Variants in BCL2L2 observed in about 807,000 individuals in gnomAD.
BCL2L2 encodes BCL2 like 2.
A neutral mutation model predicts 14.6 loss-of-function variants in BCL2L2; 6 were observed. That is an observed-to-expected ratio of 0.41 (90% CI 0.22 to 0.81). The LOEUF is 0.81. Among genes scored for constraint, BCL2L2 ranks in the 30% least tolerant of loss-of-function variants. The probability of loss-of-function intolerance (pLI) is 0.32; values close to 1 mark genes in which losing one functional copy is unlikely to be tolerated. For synonymous variants in BCL2L2, 90 were observed against 108.5 expected (o/e 0.83, Z 1.06); for missense variants, 191 against 260.5 (o/e 0.73, Z 1.84).
At chr14:23,307,678 A>G in intron 2 of BCL2L2, 82 bp from the exon 3 acceptor site, 1 of 1,491,562 alleles carries the variant, frequency 6.7e-7, no homozygotes, top group Admixed American at 2.3e-5. Flanking sequence ...TCCTCATCTC[A>G]CTGGGTTGGT....
Position 23,309,053 on chromosome 14 carries a change from G to T in BCL2L2, c.*88G>T, listed in dbSNP as rs879080604. ...AAATGCCCTTGGAAGAAGTGGAGTT[G>T]GTGGATGGGTGGGCATGGAACAGGA... On this transcript the variant is annotated 3_prime_UTR_variant, in exon 4 of 4. Transcript: ENST00000250405. 7.7e-7 allele frequency: 1 copy of T among 1,292,730 alleles called. No individual in the cohort carries two copies. Among genetic ancestry groups the T allele is most frequent in the Non-Finnish European group, 9.9e-7 (1 of 1,012,688 alleles). 80.1% of individuals were successfully genotyped at this position (1,292,730 alleles called of 1,614,324 possible). A position where few individuals can be genotyped will look rare whatever the true frequency, so the allele number is the denominator to read the frequency against.
At chr14:23,307,523 A>G (rs547139888) in intron 2 of BCL2L2, among the ~76,000 whole-genome samples, 9 of 152,340 alleles carry the variant, frequency 5.9e-5, no homozygotes, top group Admixed American at 4.6e-4. Flanking sequence ...AAAGTATCCT[A>G]AACAGAAAAT....
Position 23,309,443 on chromosome 14 carries a change from A to G in BCL2L2, c.*478A>G. The G allele has an allele frequency of 1.0e-6, 1 of 988,158 alleles. No homozygotes were observed. The highest frequency in any genetic ancestry group is 1.2e-6 in the Non-Finnish European group (1 of 831,746). 61.2% of individuals were successfully genotyped at this position (988,158 alleles called of 1,614,324 possible). A position where few individuals can be genotyped will look rare whatever the true frequency, so the allele number is the denominator to read the frequency against. On this transcript the variant is annotated 3_prime_UTR_variant, in exon 4 of 4. Coordinates refer to ENST00000250405, the MANE Select transcript of BCL2L2 (RefSeq NM_004050.5). Reference sequence around the variant, plus strand: ...TGCTTGGACACGCGTGTGCATGTGCACGCATGCTGGTGTGCATGCTGGGCT... The same window carrying G: ...TGCTTGGACACGCGTGTGCATGTGCGCGCATGCTGGTGTGCATGCTGGGCT...
rs1887490603 is a variant in BCL2L2, at chr14:23,309,703, T to C, written c.*738T>C. The C allele has an allele frequency of 1.0e-6, 1 of 985,516 alleles. No homozygotes were observed. The highest frequency in any genetic ancestry group is 1.7e-5 in the African/African-American group (1 of 57,252). 61.0% of individuals were successfully genotyped at this position (985,516 alleles called of 1,614,324 possible). On this transcript the variant is annotated 3_prime_UTR_variant, in exon 4 of 4. Transcript: ENST00000250405. ...AGAAGAGCAGTTCTGCAGCTGGCCTTGTTCCTTCATCATCCCCCTTCCTTG... is the reference window on the plus strand; with the variant it reads ...AGAAGAGCAGTTCTGCAGCTGGCCTCGTTCCTTCATCATCCCCCTTCCTTG...
At chr14:23,307,633 C>T (rs185364015) in intron 2 of BCL2L2, 127 bp from the exon 3 acceptor site, 143 of 1,292,784 alleles carry the variant, frequency 1.1e-4, no homozygotes, top group Non-Finnish European at 1.4e-4. Context: ...TCTTGCCTCT[C>T]CCTGTCCAGT....
In BCL2L2 at chr14:23,310,695, C is replaced by T; in HGVS notation, c.*1730C>T. The T allele has an allele frequency of 8.6e-7, 1 of 1,166,712 alleles. No homozygotes were observed. Among genetic ancestry groups the T allele is most frequent in the Non-Finnish European group, 1.1e-6 (1 of 933,116 alleles). 72.3% of individuals were successfully genotyped at this position (1,166,712 alleles called of 1,614,324 possible). On this transcript the variant is annotated 3_prime_UTR_variant, in exon 4 of 4. Transcript: ENST00000250405. Reference sequence around the variant, plus strand: ...GTTGGGGTGGGGGGTCTCTGACTTGCTCAGGACAAACTAGGCCAGTGGTTT... The same window carrying T: ...GTTGGGGTGGGGGGTCTCTGACTTGTTCAGGACAAACTAGGCCAGTGGTTT...
chr14:23,310,768 A>G lies in BCL2L2; in HGVS notation c.*1803A>G. The G allele has an allele frequency of 1.7e-6, 2 of 1,194,322 alleles. No individual in the cohort carries two copies. The highest frequency in any genetic ancestry group is 2.1e-6 in the Non-Finnish European group (2 of 944,276). 74.0% of individuals were successfully genotyped at this position (1,194,322 alleles called of 1,614,324 possible). ...GAAGTTTCCTAGGGGTTGCCTCAGG[A>G]GTCCTTGGGGAGATGAAGGGGGTGG... On this transcript the variant is annotated 3_prime_UTR_variant, in exon 4 of 4. Transcript: ENST00000250405.
In BCL2L2 at chr14:23,308,311, G is replaced by A. The variant is rs1594978664; in HGVS notation, c.432+112G>A. The stretch of plus-strand genomic sequence containing the variant: ...GGCAGCTATGTTGGGAATGAGGTAC[G>A]GGGCTGAGTCTCCCCGTCTGGATGG... On this transcript the variant is annotated intron_variant, in intron 3 of 3. Coordinates refer to ENST00000250405, the MANE Select transcript of BCL2L2 (RefSeq NM_004050.5). The surrounding 1 kb of genome is among the most constrained non-coding windows in gnomAD (Gnocchi z 5.4). The A allele has an allele frequency of 5.0e-6, 7 of 1,394,024 alleles. No individual in the cohort carries two copies. The highest frequency in any genetic ancestry group is 3.0e-5 in the South Asian group (2 of 66,924). The allele number at this position is 1,394,024 out of a possible 1,614,324, so 86.4% of individuals were successfully genotyped here. A position where few individuals can be genotyped will look rare whatever the true frequency, so the allele number is the denominator to read the frequency against.
chr14:23,310,936 A>G lies in BCL2L2; in HGVS notation c.*1971A>G. Reference sequence around the variant, plus strand: ...AAGTTGGAAAACCACTGACTAGACCATCGGCTCCAAATTGGAGTCTGTGCT... The same window carrying G: ...AAGTTGGAAAACCACTGACTAGACCGTCGGCTCCAAATTGGAGTCTGTGCT... On this transcript the variant is annotated 3_prime_UTR_variant, in exon 4 of 4. Coordinates refer to ENST00000250405, the MANE Select transcript of BCL2L2 (RefSeq NM_004050.5). 1.8e-5 allele frequency: 23 copies of G among 1,289,612 alleles called. No homozygotes were observed. The highest frequency in any genetic ancestry group is 2.3e-5 in the Non-Finnish European group (23 of 988,694). 79.9% of individuals were successfully genotyped at this position (1,289,612 alleles called of 1,614,324 possible).
chr14:23,310,042 G>A lies in BCL2L2; in HGVS notation c.*1077G>A, dbSNP rs956090602. The A allele has an allele frequency of 2.0e-6, 2 of 985,458 alleles. No individual in the cohort carries two copies. The highest frequency in any genetic ancestry group is 1.7e-5 in the African/African-American group (1 of 57,224). The allele number at this position is 985,458 out of a possible 1,614,324, so 61.0% of individuals were successfully genotyped here. A position where few individuals can be genotyped will look rare whatever the true frequency, so the allele number is the denominator to read the frequency against. ...ACCATTTCAGATCTGAATCCCATGG[G>A]TGTGAGGGTGATGGGTACTCCAGGA... is the stretch of plus-strand genomic sequence containing the variant. On this transcript the variant is annotated 3_prime_UTR_variant, in exon 4 of 4. Transcript: ENST00000250405.
chr14:23,307,897 C>G lies in BCL2L2; in HGVS notation c.130C>G (p.Gln44Glu). 1 of 1,613,388 alleles carries G rather than the reference C, an allele frequency of 6.2e-7. No homozygotes were observed. The highest frequency in any genetic ancestry group is 1.1e-5 in the South Asian group (1 of 91,008). Residue 44 changes from glutamine to glutamate, a missense_variant, in exon 3 of 4, where the codon CAA becomes GAA. By Grantham distance (29) the Gln-to-Glu change is conservative. Transcript: ENST00000250405. ...GGGCCCAGCAGCTGACCCGCTGCAC[C>G]AAGCCATGCGGGCAGCTGGAGATGA... ...GEGPAADPLH[Q>E]AMRAAGDEFE...
In BCL2L2 at chr14:23,310,584, T is replaced by C; in HGVS notation, c.*1619T>C. 2 of 1,073,642 alleles carry C rather than the reference T, an allele frequency of 1.9e-6. No homozygotes were observed. Among genetic ancestry groups the C allele is most frequent in the Non-Finnish European group, 2.3e-6 (2 of 883,194 alleles). 66.5% of individuals were successfully genotyped at this position (1,073,642 alleles called of 1,614,324 possible). A position where few individuals can be genotyped will look rare whatever the true frequency, so the allele number is the denominator to read the frequency against. On this transcript the variant is annotated 3_prime_UTR_variant, in exon 4 of 4. Transcript: ENST00000250405. ...GGGCTGCACTTTTTCATGGTATTTC[T>C]AGGGGAGGTGGTAGGCTGCATGTGC...
chr14:23,308,268 G>T lies in BCL2L2; in HGVS notation c.432+69G>T. ...GCTGGTCTCCAGGGGGAAGATGGGG[G>T]CTCTGATTGGAGGCTGAGGCAGCTA... On this transcript the variant is annotated intron_variant, in intron 3 of 3. Coordinates refer to ENST00000250405, the MANE Select transcript of BCL2L2 (RefSeq NM_004050.5). The surrounding 1 kb of genome is among the most constrained non-coding windows in gnomAD (Gnocchi z 5.4). The T allele has an allele frequency of 6.7e-7, 1 of 1,488,646 alleles. No homozygotes were observed. 92.2% of individuals were successfully genotyped at this position (1,488,646 alleles called of 1,614,324 possible).
At chr14:23,307,448 A>AC (rs1314623636) in intron 2 of BCL2L2, among the ~76,000 whole-genome samples, 169 bp downstream of exon 2, 1 of 151,688 alleles carries the variant, frequency 6.6e-6, no homozygotes, top group Non-Finnish European at 1.5e-5. Context: ...GACTAAGGAG[A>AC]CCCGGGGGTG....
At position 23,308,894 on chromosome 14, in the gene BCL2L2, A is replaced by AG; in HGVS notation, c.513dup (p.Thr172AspfsTer21). On this transcript the variant is annotated frameshift_variant, in exon 4 of 4. Coordinates refer to ENST00000250405, the MANE Select transcript of BCL2L2 (RefSeq NM_004050.5). LOFTEE classifies it high-confidence loss of function. The surrounding 1 kb of genome is among the most constrained non-coding windows in gnomAD (Gnocchi z 5.4). ...GCGGGAGGGGAACTGGGCATCAGTG[A>AG]GGACAGTGCTGACGGGGGCCGTGGC... 7.6e-7 allele frequency: 1 copy of AG among 1,322,748 alleles called. No homozygotes were observed. The highest frequency in any genetic ancestry group is 3.0e-5 in the South Asian group (1 of 33,734). The allele number at this position is 1,322,748 out of a possible 1,614,324, so 81.9% of individuals were successfully genotyped here.
rs1015638374 is a variant in BCL2L2, at chr14:23,309,341, C to T, written c.*376C>T. On this transcript the variant is annotated 3_prime_UTR_variant, in exon 4 of 4. Coordinates refer to ENST00000250405, the MANE Select transcript of BCL2L2 (RefSeq NM_004050.5). ...CATTAGATGAGTGGGATTTAGGGAA[C>T]GCAGAAGGCACATCCCTTTGGAATG... 2.0e-5 allele frequency: 21 copies of T among 1,026,944 alleles called. No homozygotes were observed. The highest frequency in any genetic ancestry group is 5.8e-5 in the Admixed American group (1 of 17,330). 63.6% of individuals were successfully genotyped at this position (1,026,944 alleles called of 1,614,324 possible).
chr14:23,307,811 C>A lies in BCL2L2; in HGVS notation c.44C>A (p.Ala15Glu). Residue 15 changes from alanine to glutamate, a missense_variant, in exon 3 of 4, where the codon GCA (alanine) becomes GAA (glutamate). Physicochemically the swap from Ala to Glu is moderately radical, Grantham distance 107. Transcript: ENST00000250405. ...GCCCCAGACACACGGGCTCTGGTGG[C>A]AGACTTTGTAGGTTATAAGCTGAGG... ...ASAPDTRALV[A>E]DFVGYKLRQK... 2 of 1,551,124 alleles carry A rather than the reference C, an allele frequency of 1.3e-6. No homozygotes were observed. The highest frequency in any genetic ancestry group is 8.7e-7 in the Non-Finnish European group (1 of 1,150,602).
rs1887250022 is a variant in BCL2L2, at chr14:23,306,871, C to G, written c.-120C>G. On this transcript the variant is annotated 5_prime_UTR_variant, in exon 1 of 4. Coordinates refer to ENST00000250405, the MANE Select transcript of BCL2L2 (RefSeq NM_004050.5). ...CCAGCTCCTGCACCAGGAAACGGCC[C>G]GGATCCCGGCAGCGGCCTGACCCGT... is the stretch of plus-strand genomic sequence containing the variant. 6.6e-6 allele frequency: 1 copy of G among 152,440 alleles called. No homozygotes were observed. Among genetic ancestry groups the G allele is most frequent in the African/African-American group, 2.4e-5 (1 of 41,444 alleles). The allele number at this position is 152,440 out of a possible 1,614,324, so 9.4% of individuals were successfully genotyped here. A position where few individuals can be genotyped will look rare whatever the true frequency, so the allele number is the denominator to read the frequency against.
At position 23,309,840 on chromosome 14, in the gene BCL2L2, C is replaced by T. The variant is rs1365422727; in HGVS notation, c.*875C>T. 3 of 985,384 alleles carry T rather than the reference C, an allele frequency of 3.0e-6. No homozygotes were observed. In the African/African-American group the frequency reaches 5.2e-5, roughly 17 times the overall value. The allele number at this position is 985,384 out of a possible 1,614,324, so 61.0% of individuals were successfully genotyped here. The stretch of plus-strand genomic sequence containing the variant: ...ACCTGCCTGCCACCCTCCTCTCCCA[C>T]TCAGGCACAATGGTGCCTAAAGTGT... On this transcript the variant is annotated 3_prime_UTR_variant, in exon 4 of 4. Transcript: ENST00000250405.
Sources: gnomAD v4.1 joint callset for allele counts (sites outside exome capture counted in the v4.1 genomes callset) on GRCh38, gnomAD v4.1.1 for gene constraint, Gnocchi (gnomAD v3.1) non-coding constraint, MANE v1.5 for transcripts, NCBI Gene and HGNC (gene_info 2026-07-23, HGNC 2026-07-21) for gene names.